The following ROBO2 variants were observed in gnomAD, a reference collection of about 807,000 sequenced individuals.
ROBO2 encodes roundabout guidance receptor 2.
Under a neutral mutation model 160.8 loss-of-function variants are expected in ROBO2, and 53 were observed. That is an observed-to-expected ratio of 0.33 (90% CI 0.26 to 0.41). ROBO2 has a LOEUF of 0.41. Ranked by LOEUF, ROBO2 falls within the 10% of genes least tolerant of loss-of-function variation. The pLI is 1.00. For missense variants in ROBO2, 1,577 were observed against 1,722.4 expected (o/e 0.92, Z 1.49); for synonymous variants, 664 against 611.7 (o/e 1.09, Z -1.26).
chr3:77,263,742 T>C (rs1485904611), intron 2 of ROBO2, among the ~76,000 whole-genome samples: 1 of 152,186 alleles, frequency 6.6e-6, no homozygotes, highest in Non-Finnish European at 1.5e-5. Context: ...AATAGAATAA[T>C]TTATATTCCT....
chr3:77,237,658 CT>C (rs1290839801), intron 2 of ROBO2, among the ~76,000 whole-genome samples: 2 of 152,130 alleles, frequency 1.3e-5, no homozygotes, highest in Non-Finnish European at 2.9e-5. Flanking sequence ...ATGTCAGTTA[CT>C]TCGTAGTTTT....
At chr3:76,091,731 A>G (rs138577235) in intron 2 of ROBO2, among the ~76,000 whole-genome samples, 1 of 152,314 alleles carries the variant, frequency 6.6e-6, no homozygotes, top group African/African-American at 2.4e-5. Flanking sequence ...CAGGCAATGG[A>G]ATATTACTCG....
chr3:77,267,002 T>G (rs1351863142), intron 2 of ROBO2, among the ~76,000 whole-genome samples: 1 of 152,142 alleles, frequency 6.6e-6, no homozygotes, highest in Non-Finnish European at 1.5e-5. Context: ...TCAAAGCGCT[T>G]TACTTCTTGT....
intron 2 of ROBO2, among the ~76,000 whole-genome samples, chr3:76,629,187 A>G (rs1254927213): frequency 1.3e-5 from 2 of 152,226 alleles, no homozygotes; most frequent in East Asian, 3.8e-4. Flanking sequence ...AAACACTTGG[A>G]TGTAAGGAGG....
intron 2 of ROBO2, among the ~76,000 whole-genome samples, chr3:77,413,806 A>G (rs1219326371): frequency 1.3e-5 from 2 of 152,222 alleles, no homozygotes; most frequent in Non-Finnish European, 2.9e-5. Flanking sequence ...AGATGGAAAG[A>G]CTGGAGAGAG....
chr3:77,036,164 A>G (rs2063623172), upstream of ROBO2, among the ~76,000 whole-genome samples: 1 of 151,938 alleles, frequency 6.6e-6, no homozygotes, highest in South Asian at 2.1e-4. Flanking sequence ...ACTTGGGTTG[A>G]TTATCTAATC....
At chr3:76,687,433 A>G (rs2092709056) in intron 2 of ROBO2, among the ~76,000 whole-genome samples, 1 of 152,104 alleles carries the variant, frequency 6.6e-6, no homozygotes, top group Non-Finnish European at 1.5e-5. Flanking sequence ...TGGCAGCTCC[A>G]GCATTAAAAT....
chr3:77,403,763 C>T (rs1396771023), intron 2 of ROBO2, among the ~76,000 whole-genome samples: 1 of 151,918 alleles, frequency 6.6e-6, no homozygotes, highest in African/African-American at 2.4e-5. Context: ...AATATATACC[C>T]AGTCATGGGA....
intron 2 of ROBO2, among the ~76,000 whole-genome samples, chr3:76,947,315 A>AT (rs934664935): frequency 5.3e-5 from 8 of 152,188 alleles, no homozygotes; most frequent in African/African-American, 1.9e-4. Flanking sequence ...CCAGAATGTT[A>AT]TTTTTTTCTA....
intron 2 of ROBO2, among the ~76,000 whole-genome samples, chr3:76,719,392 T>C (rs1024125095): frequency 6.6e-6 from 1 of 152,108 alleles, no homozygotes; most frequent in African/African-American, 2.4e-5. Context: ...TGGTGTGCAG[T>C]TGTCACAATC....
At chr3:76,136,822 G>A (rs979794603) in intron 2 of ROBO2, among the ~76,000 whole-genome samples, 75 of 151,950 alleles carry the variant, frequency 4.9e-4, no homozygotes, top group Non-Finnish European at 1.0e-3. Context: ...GTACAAAAAA[G>A]AAGCCACAAA....
chr3:76,861,376 T>G (rs1464973340), intron 2 of ROBO2, among the ~76,000 whole-genome samples: 2 of 152,204 alleles, frequency 1.3e-5, no homozygotes, highest in African/African-American at 4.8e-5. Context: ...TGTAAAGCAC[T>G]TATGACAATG....
intron 2 of ROBO2, among the ~76,000 whole-genome samples, chr3:76,544,964 G>C (rs536483316): frequency 3.9e-5 from 6 of 151,978 alleles, no homozygotes; most frequent in Non-Finnish European, 8.8e-5. Flanking sequence ...CCATGGACAA[G>C]AGATTCCCCT....
rs151083209 is a variant in ROBO2, at chr3:77,056,008, G to A, written c.61+15162G>A. On this transcript the variant is annotated intron_variant, in intron 1 of 25. Transcript: ENST00000461745. ...GCAATGTCTTTTGAGAGAGGATTTA[G>A]GACATAGTGTGTAGGTATTTATCTC... Among the ~76,000 whole-genome samples the A allele has an allele frequency of 1.1e-3, 175 of 152,322 alleles. 1 individual carries two copies. Among genetic ancestry groups the A allele is most frequent in the African/African-American group, 4.0e-3 (165 of 41,576 alleles).
chr3:76,132,442 A>C (rs1313841913), intron 2 of ROBO2, among the ~76,000 whole-genome samples: 2 of 149,962 alleles, frequency 1.3e-5, no homozygotes, highest in African/African-American at 4.9e-5. Flanking sequence ...CGTTTGTCCA[A>C]ATGGCTTAGG....
At chr3:77,180,695 T>C (rs1273656757) in intron 2 of ROBO2, among the ~76,000 whole-genome samples, 1 of 151,926 alleles carries the variant, frequency 6.6e-6, no homozygotes, top group Non-Finnish European at 1.5e-5. Flanking sequence ...CTACATAATT[T>C]AAAGATTCAA....
chr3:76,889,533 A>C (rs950556995), intron 2 of ROBO2, among the ~76,000 whole-genome samples: 4 of 152,210 alleles, frequency 2.6e-5, no homozygotes, highest in Non-Finnish European at 5.9e-5. Context: ...AACACATGCA[A>C]ATAAATTCAA....
At chr3:76,674,631 G>A (rs867552121) in intron 2 of ROBO2, among the ~76,000 whole-genome samples, 1 of 61,060 alleles carries the variant, frequency 1.6e-5, no homozygotes, top group Non-Finnish European at 3.9e-5. Context: ...CACACACACA[G>A]AAACCTGTAG....
chr3:76,759,187 G>A lies in ROBO2; in HGVS notation c.110-338827G>A, dbSNP rs147003141. Among the ~76,000 whole-genome samples the A allele has an allele frequency of 1.5e-3, 228 of 151,866 alleles. 1 individual carries two copies. The highest frequency in any genetic ancestry group is 5.3e-3 in the African/African-American group (219 of 41,498). On this transcript the variant is annotated intron_variant, in intron 2 of 26. Coordinates refer to the ROBO2 transcript ENST00000487694. ...AGTGAGGCACAGATAGATAGGCTGA[G>A]TGCTAAGGTCAAAGCTAATAAAAAG...
Sources: allele counts gnomAD v4.1 joint callset (sites outside exome capture counted in the v4.1 genomes callset), GRCh38; gene constraint gnomAD v4.1.1; transcripts MANE v1.5; gene names NCBI Gene and HGNC (gene_info 2026-07-23, HGNC 2026-07-21).